The following RANBP9 variants were observed in gnomAD, a reference collection of about 807,000 sequenced individuals.
RANBP9 encodes RAN binding protein 9, also known as ran-binding protein 9.
Under a neutral mutation model 84.3 loss-of-function variants are expected in RANBP9, and 15 were observed. The ratio of observed to expected loss-of-function variants is 0.18; its 90% CI spans 0.12 to 0.27. The LOEUF (loss-of-function observed/expected upper bound fraction) is 0.27, where lower values mean the gene tolerates loss of function less well. Ranked by LOEUF, RANBP9 falls within the 10% of genes least tolerant of loss-of-function variation. RANBP9 has a pLI of 1.00. For missense variants in RANBP9, 809 were observed against 912.8 expected, an observed-to-expected ratio of 0.89 and a Z score of 1.46; for synonymous variants, 392 against 349.6, an observed-to-expected ratio of 1.12 and a Z score of -1.35.
rs753944658 is a variant in RANBP9, at chr6:13,711,464, T to TTGC, written c.39_41dup (p.Gln18dup). On this transcript the variant is annotated inframe_insertion, in exon 1 of 14. Transcript: ENST00000011619. ...GTGGCGGCGACAGCTGCTGCTGCTG[T>TTGC]TGCTGCTGCTGCGGCGGCGGCGGCG... 3.7e-5 allele frequency: 46 copies of TTGC among 1,235,854 alleles called. No individual in the cohort carries two copies. The highest frequency in any genetic ancestry group is 3.5e-4 in the East Asian group (11 of 31,124). 76.6% of individuals were successfully genotyped at this position (1,235,854 alleles called of 1,614,324 possible).
At chr6:13,694,412 C>T (rs1360579304) in intron 2 of RANBP9, among the ~76,000 whole-genome samples, 1 of 152,164 alleles carries the variant, frequency 6.6e-6, no homozygotes, top group African/African-American at 2.4e-5. Context: ...AGGCTACAAA[C>T]TATATGATTC....
At chr6:13,694,902 C>G (rs6459032) in intron 2 of RANBP9, among the ~76,000 whole-genome samples, 2,124 of 152,230 alleles carry the variant, frequency 0.014, 49 homozygotes, top group African/African-American at 0.048. Context: ...AAGGGTCTTG[C>G]AATGTATCCC....
In RANBP9 at chr6:13,711,274, C is replaced by CCGGGGG. The variant is rs1481233199; in HGVS notation, c.226_231dup (p.Pro76_Pro77dup). The CCGGGGG allele has an allele frequency of 2.6e-5, 26 of 989,366 alleles. No individual in the cohort carries two copies. The highest frequency in any genetic ancestry group is 2.9e-5 in the Non-Finnish European group (24 of 833,842). The allele number at this position is 989,366 out of a possible 1,614,324, so 61.3% of individuals were successfully genotyped here. ...GGCGGGGGCGGCGGGGCCGCGGTGGCCGGGGGCGGCGGCGGCGGAGGGTGG... is the reference window on the plus strand; with the variant it reads ...GGCGGGGGCGGCGGGGCCGCGGTGGCCGGGGGCGGGGGCGGCGGCGGCGGAGGGTGG... On this transcript the variant is annotated inframe_insertion, in exon 1 of 14. Transcript: ENST00000011619.
At chr6:13,689,161 AAAAAC>A (rs1024885869) in intron 2 of RANBP9, among the ~76,000 whole-genome samples, 3 of 152,030 alleles carry the variant, frequency 2.0e-5, no homozygotes, top group Admixed American at 1.3e-4. Context: ...TGCTGCAAAC[AAAAAC>A]AAAACAAAAC....
intron 2 of RANBP9, among the ~76,000 whole-genome samples, chr6:13,674,520 G>A (rs140707353): frequency 4.5e-4 from 69 of 152,312 alleles, no homozygotes; most frequent in African/African-American, 1.6e-3. Context: ...GAGGCTATAT[G>A]TGCAAACAGC....
At chr6:13,641,342 A>G in intron 7 of RANBP9, 35 bp from the exon 8 acceptor site, 1 of 1,324,474 alleles carries the variant, frequency 7.6e-7, no homozygotes, top group South Asian at 1.3e-5. Flanking sequence ...ATTAACTTTT[A>G]CAAAAGTAGA....
intron 12 of RANBP9, among the ~76,000 whole-genome samples, chr6:13,629,838 G>A (rs543755705): frequency 6.6e-6 from 1 of 152,192 alleles, no homozygotes; most frequent in South Asian, 2.1e-4. Flanking sequence ...GAGAAACAGT[G>A]TGCCACCTGA....
At chr6:13,677,735 A>G (rs190971100) in intron 2 of RANBP9, among the ~76,000 whole-genome samples, 18 of 152,272 alleles carry the variant, frequency 1.2e-4, no homozygotes, top group African/African-American at 4.3e-4. Context: ...ACATCTTTCA[A>G]CCATCATAAG....
At chr6:13,671,890 C>G (rs1230982823) in intron 2 of RANBP9, among the ~76,000 whole-genome samples, 4 of 152,084 alleles carry the variant, frequency 2.6e-5, no homozygotes, top group African/African-American at 9.7e-5. Context: ...AGCAGAACAA[C>G]TGAAAATCAA....
chr6:13,634,998 C>T (rs768315492), intron 10 of RANBP9, among the ~76,000 whole-genome samples: 16 of 152,234 alleles, frequency 1.1e-4, no homozygotes, highest in South Asian at 4.1e-4. Context: ...TCCTGGAACC[C>T]GCTTCACCTC....
chr6:13,683,491 T>C (rs1019520890), intron 2 of RANBP9, among the ~76,000 whole-genome samples: 1 of 152,158 alleles, frequency 6.6e-6, no homozygotes, highest in Non-Finnish European at 1.5e-5. Flanking sequence ...AGTGAAAGTA[T>C]AAGAACTGGT....
At position 13,637,792 on chromosome 6, in the gene RANBP9, C is replaced by G. The variant is rs1481120266; in HGVS notation, c.1673+16G>C. 2 of 1,565,582 alleles carry G rather than the reference C, an allele frequency of 1.3e-6. No homozygotes were observed. The highest frequency in any genetic ancestry group is 1.4e-5 in the African/African-American group (1 of 72,766). ...AGGTTGCTTATATTAGTGCAAAAGT[C>G]AGTGAAATTACTTACCTGGTGAAGT... is the stretch of plus-strand genomic sequence containing the variant. On this transcript the variant is annotated intron_variant, in intron 10 of 13. Transcript: ENST00000011619.
At chr6:13,644,819 T>C in intron 5 of RANBP9, 90 bp from the exon 6 acceptor site, 1 of 1,030,848 alleles carries the variant, frequency 9.7e-7, no homozygotes, top group Non-Finnish European at 1.3e-6. Flanking sequence ...AATAGAACTA[T>C]AAATTTACTT....
intron 2 of RANBP9, among the ~76,000 whole-genome samples, chr6:13,659,049 C>G (rs182719888): frequency 6.6e-6 from 1 of 152,072 alleles, no homozygotes; most frequent in East Asian, 1.9e-4. Context: ...GGTAATAATT[C>G]ATAAATACAC....
At chr6:13,669,637 C>A (rs1366657084) in intron 2 of RANBP9, among the ~76,000 whole-genome samples, 1 of 152,170 alleles carries the variant, frequency 6.6e-6, no homozygotes. Flanking sequence ...TTTAACCAGG[C>A]TGCAGTGCAG....
chr6:13,631,317 T>C (rs1380172009), intron 12 of RANBP9, among the ~76,000 whole-genome samples: 2 of 152,170 alleles, frequency 1.3e-5, no homozygotes, highest in Non-Finnish European at 2.9e-5. Flanking sequence ...TAACTTGAGG[T>C]GCTCTATAAC....
Position 13,625,676 on chromosome 6 carries a change from G to T in RANBP9, c.2036C>A (p.Ser679Ter). ...LDPIQREPVC[S>*]ALNSAILETH... Reference sequence around the variant, plus strand: ...ACCTAATATTGCACTGTTAAGAGCTGAGCACACAGGTTCTCTCTGAATCGG... The same window carrying T: ...ACCTAATATTGCACTGTTAAGAGCTTAGCACACAGGTTCTCTCTGAATCGG... The change falls in exon 13 of 14, where the codon TCA (serine) becomes TAA (stop). Residue 679 changes from serine to a stop codon, truncating the protein, a stop_gained. Coordinates refer to ENST00000011619, the MANE Select transcript of RANBP9 (RefSeq NM_005493.3). LOFTEE classifies it high-confidence loss of function. 1 of 1,611,130 alleles carries T rather than the reference G, an allele frequency of 6.2e-7. No homozygotes were observed. Among genetic ancestry groups the T allele is most frequent in the Non-Finnish European group, 8.5e-7 (1 of 1,177,324 alleles).
chr6:13,689,223 G>A (rs371241996), intron 2 of RANBP9, among the ~76,000 whole-genome samples: 1 of 150,186 alleles, frequency 6.7e-6, no homozygotes, highest in African/African-American at 2.4e-5. Context: ...TTTCACCCTA[G>A]AACTATCATC....
At chr6:13,672,231 C>A (rs891160049) in intron 2 of RANBP9, among the ~76,000 whole-genome samples, 5 of 152,026 alleles carry the variant, frequency 3.3e-5, no homozygotes, top group Non-Finnish European at 4.4e-5. Context: ...ATAATTCCAG[C>A]CCCCTCTAAC....
Sources: gnomAD v4.1 joint callset for allele counts (sites outside exome capture counted in the v4.1 genomes callset) on GRCh38, gnomAD v4.1.1 for gene constraint, MANE v1.5 for transcripts, NCBI Gene and HGNC (gene_info 2026-07-23, HGNC 2026-07-21) for gene names.